FANCC: variants seen among roughly 807,000 people sequenced by gnomAD.
The protein encoded by FANCC is FA complementation group C, also known as Fanconi anemia group C protein.
In FANCC, 55 loss-of-function variants were observed where a neutral mutation model predicts 71.3. The observed-to-expected ratio is 0.77, with a 90% CI of 0.62 to 0.97. FANCC has a LOEUF of 0.97. Ranked by LOEUF, FANCC falls within the 50% of genes least tolerant of loss-of-function variation. The probability of loss-of-function intolerance (pLI) is 0.00; values close to 1 mark genes in which losing one functional copy is unlikely to be tolerated. For missense variants in FANCC, 678 were observed against 670.9 expected, an observed-to-expected ratio of 1.01 and a Z score of -0.12; for synonymous variants, 275 against 244.9, an observed-to-expected ratio of 1.12 and a Z score of -1.15.
rs187890194 is a variant in FANCC at position 95,275,121 on chromosome 9, A to T, written c.-78-25752T>A. ...ACCCTGTCTCTACAAAAAAAAAAAA[A>T]AAAGAAAAATAAATTAGCCAGGCAT... On this transcript the variant is annotated intron_variant, in intron 1 of 14. Coordinates refer to ENST00000289081, the MANE Select transcript of FANCC (RefSeq NM_000136.3). Among the ~76,000 whole-genome samples the T allele has an allele frequency of 2.6e-5, 4 of 151,804 alleles. No homozygotes were observed. The South Asian group carries it at 8.3e-4, about 32-fold the overall frequency.
chr9:95,252,619 G>A (rs567614727), intron 1 of FANCC, among the ~76,000 whole-genome samples: 47 of 151,644 alleles, frequency 3.1e-4, no homozygotes, highest in African/African-American at 9.4e-4. Context: ...GGTGGTGGGC[G>A]CCTATAGTCC....
At chr9:95,297,117 T>G (rs773214277) in intron 1 of FANCC, among the ~76,000 whole-genome samples, 4 of 152,190 alleles carry the variant, frequency 2.6e-5, no homozygotes, top group Non-Finnish European at 5.9e-5. Flanking sequence ...CACTGAGAAC[T>G]GAACCATATG....
intron 4 of FANCC, among the ~76,000 whole-genome samples, chr9:95,198,034 CA>C (rs1827567377): frequency 6.6e-6 from 1 of 152,100 alleles, no homozygotes; most frequent in South Asian, 2.1e-4. Context: ...GGTTGAGACT[CA>C]AGACTCCTAG....
rs80278673 is a variant in FANCC, at chr9:95,118,362, C to T, written c.997-972G>A. Among the ~76,000 whole-genome samples the T allele has an allele frequency of 6.6e-5, 10 of 152,342 alleles. No individual in the cohort carries two copies. The East Asian group carries it at 1.5e-3, about 23-fold the overall frequency. ...AACAACAAAAGTGTAAAACTGTGCT[C>T]GCATTTCGAGGGCCAAAGAGCTACA... On this transcript the variant is annotated intron_variant, in intron 10 of 14. Transcript: ENST00000289081.
intron 4 of FANCC, among the ~76,000 whole-genome samples, chr9:95,189,882 T>G (rs942033346): frequency 3.3e-5 from 5 of 152,204 alleles, no homozygotes; most frequent in African/African-American, 1.2e-4. Flanking sequence ...CTGGAGAATA[T>G]CAGACAACTG....
At chr9:95,145,376 A>C (rs3277) in intron 7 of FANCC, 57,940 of 152,078 alleles carry the variant, frequency 0.38, 11,733 homozygotes, top group East Asian at 0.58. Context: ...CCTTCAGATC[A>C]CAAAAGCTTA....
In FANCC at chr9:95,154,928, A is replaced by G. The variant is rs562332649; in HGVS notation, c.522-4841T>C. Among the ~76,000 whole-genome samples, 6 of 152,042 alleles carry G rather than the reference A, an allele frequency of 3.9e-5. No homozygotes were observed. The East Asian group carries it at 9.8e-4, about 25-fold the overall frequency. On this transcript the variant is annotated intron_variant, in intron 6 of 14. Coordinates refer to ENST00000289081, the MANE Select transcript of FANCC (RefSeq NM_000136.3). ...TACTGAAAATGAAAATATTCATGCTAGGTGTGGTAGCTTATGTCTGCAATC... is the reference window on the plus strand; with the variant it reads ...TACTGAAAATGAAAATATTCATGCTGGGTGTGGTAGCTTATGTCTGCAATC...
chr9:95,109,494 C>A lies in FANCC; in HGVS notation c.1329+1969G>T, dbSNP rs189974195. ...TAGGCATCATTGTACCTTACTGATT[C>A]TTAAGGGTATCTAAACGACTTTTTT... On this transcript the variant is annotated intron_variant, in intron 13 of 14. Transcript: ENST00000289081. 3 of 150,824 alleles carry A rather than the reference C, an allele frequency of 2.0e-5. No homozygotes were observed. In the East Asian group the frequency reaches 5.9e-4, roughly 29 times the overall value. 9.3% of individuals were successfully genotyped at this position (150,824 alleles called of 1,614,324 possible).
At chr9:95,280,329 G>A (rs907293044) in intron 1 of FANCC, among the ~76,000 whole-genome samples, 6 of 151,998 alleles carry the variant, frequency 3.9e-5, no homozygotes, top group Non-Finnish European at 8.8e-5. Context: ...ATTAATCGCT[G>A]GAGACTTCAA....
At chr9:95,212,664 T>G (rs1278267986) in intron 4 of FANCC, among the ~76,000 whole-genome samples, 1 of 151,284 alleles carries the variant, frequency 6.6e-6, no homozygotes, top group South Asian at 2.1e-4. Flanking sequence ...AAAGGGAGAG[T>G]GCTGAAAAGG....
intron 14 of FANCC, among the ~76,000 whole-genome samples, chr9:95,106,287 T>C (rs2071440954): frequency 2.6e-5 from 4 of 152,306 alleles, no homozygotes; most frequent in Admixed American, 2.0e-4. Flanking sequence ...GTTCAAGTCC[T>C]TTGCCCATTT....
chr9:95,271,144 G>A (rs1832691510), intron 1 of FANCC, among the ~76,000 whole-genome samples: 1 of 152,170 alleles, frequency 6.6e-6, no homozygotes, highest in South Asian at 2.1e-4. Context: ...CTGGCACCCA[G>A]TGGGCAGAGG....
At chr9:95,261,867 TG>T (rs1274898577) in intron 1 of FANCC, among the ~76,000 whole-genome samples, 1 of 152,028 alleles carries the variant, frequency 6.6e-6, no homozygotes, top group Non-Finnish European at 1.5e-5. Flanking sequence ...TCCTGCCAGG[TG>T]GGAGCGGATC....
intron 1 of FANCC, among the ~76,000 whole-genome samples, chr9:95,313,922 G>C (rs971513587): frequency 6.6e-6 from 1 of 152,046 alleles, no homozygotes; most frequent in African/African-American, 2.4e-5. Context: ...AGTAACAGAA[G>C]GAAAATCTCT....
intron 3 of FANCC, among the ~76,000 whole-genome samples, chr9:95,245,107 A>G (rs1207067383): frequency 1.3e-5 from 2 of 152,170 alleles, no homozygotes; most frequent in Non-Finnish European, 2.9e-5. Flanking sequence ...AAAGGACGTA[A>G]TATTTCTTTC....
chr9:95,201,272 G>T (rs975836713), intron 4 of FANCC, among the ~76,000 whole-genome samples: 1 of 152,040 alleles, frequency 6.6e-6, no homozygotes, highest in Admixed American at 6.6e-5. Flanking sequence ...CCACCCGCTT[G>T]CACTGCTAGT....
intron 1 of FANCC, among the ~76,000 whole-genome samples, chr9:95,299,356 T>C (rs2136352234): frequency 6.6e-6 from 1 of 152,354 alleles, no homozygotes; most frequent in Non-Finnish European, 1.5e-5. Context: ...GTCACATATA[T>C]AGTTCTTTAC....
Position 95,312,702 on chromosome 9 carries a change from G to A in FANCC, c.-79+4824C>T, listed in dbSNP as rs541369242. The stretch of plus-strand genomic sequence containing the variant: ...GACTGGAGTAACAAGGTGCTGGCTA[G>A]TAAGAAGTACAGAGAATTCTACAAA... On this transcript the variant is annotated intron_variant, in intron 1 of 14. Transcript: ENST00000289081. 3.9e-5 allele frequency among the ~76,000 whole-genome samples: 6 copies of A among 152,370 alleles called. 1 individual carries two copies. The South Asian group carries it at 1.2e-3, about 32-fold the overall frequency.
At chr9:95,196,668 G>A (rs73534866) in intron 4 of FANCC, among the ~76,000 whole-genome samples, 4 of 152,116 alleles carry the variant, frequency 2.6e-5, no homozygotes, top group East Asian at 1.9e-4. Flanking sequence ...CCTAATCCAG[G>A]GTCAGTGACT....
Sources: allele counts gnomAD v4.1 joint callset (sites outside exome capture counted in the v4.1 genomes callset), GRCh38; gene constraint gnomAD v4.1.1; transcripts MANE v1.5; gene names NCBI Gene and HGNC (gene_info 2026-07-23, HGNC 2026-07-21).